The following SH2D4B variants were observed in gnomAD, a reference collection of about 807,000 sequenced individuals.
SH2D4B encodes SH2 domain-containing protein 4B.
SH2D4B carries 45 observed loss-of-function variants against 61.5 expected under a neutral mutation model. That is an observed-to-expected ratio of 0.73 (90% CI 0.58 to 0.94). The LOEUF is 0.94. Among genes scored for constraint, SH2D4B ranks in the 40% least tolerant of loss-of-function variants. The pLI, the probability that SH2D4B is intolerant of heterozygous loss-of-function variation, is 0.00. For synonymous variants in SH2D4B, 224 were observed against 220.4 expected (o/e 1.02, Z -0.14); for missense variants, 572 against 574.2 (o/e 1.00, Z 0.04).
intron 3 of SH2D4B, among the ~76,000 whole-genome samples, chr10:80,578,511 G>A (rs1842151700): frequency 6.6e-6 from 1 of 152,006 alleles, no homozygotes; most frequent in African/African-American, 2.4e-5. Context: ...TTAGAGGTCT[G>A]GGCATGAGCA....
chr10:80,588,574 C>G (rs1393475880), intron 3 of SH2D4B, 56 bp from the exon 4 acceptor site: 2 of 1,593,414 alleles, frequency 1.3e-6, no homozygotes, highest in Non-Finnish European at 1.7e-6. Context: ...ATTTCTTTCT[C>G]GTTTCTCTGA....
At chr10:80,626,229 A>T (rs1842765965) in intron 6 of SH2D4B, among the ~76,000 whole-genome samples, 1 of 151,794 alleles carries the variant, frequency 6.6e-6, no homozygotes, top group African/African-American at 2.4e-5. Flanking sequence ...TTTTCTGAAG[A>T]TTTTTTATTT....
chr10:80,543,561 C>T (rs1423547058), intron 1 of SH2D4B, among the ~76,000 whole-genome samples: 1 of 152,232 alleles, frequency 6.6e-6, no homozygotes, highest in East Asian at 1.9e-4. Flanking sequence ...CTCCACGGCG[C>T]CCAGTCTCAT....
At chr10:80,570,815 C>G (rs953651611) in intron 2 of SH2D4B, among the ~76,000 whole-genome samples, 3 of 152,078 alleles carry the variant, frequency 2.0e-5, no homozygotes, top group Non-Finnish European at 4.4e-5. Context: ...TAAAAATAAT[C>G]TGACAAGCAT....
At chr10:80,633,788 G>A (rs1245446281) in intron 6 of SH2D4B, among the ~76,000 whole-genome samples, 1 of 152,180 alleles carries the variant, frequency 6.6e-6, no homozygotes, top group African/African-American at 2.4e-5. Flanking sequence ...ACAGGTATTT[G>A]GAAGAAGTCT....
In SH2D4B at chr10:80,585,777, C is replaced by T. The variant is rs1038882742; in HGVS notation, c.496-2853C>T. 2.4e-4 allele frequency among the ~76,000 whole-genome samples: 37 copies of T among 152,218 alleles called. 1 individual carries two copies. Among genetic ancestry groups the T allele is most frequent in the Admixed American group, 2.4e-3 (36 of 15,286 alleles). Reference sequence around the variant, plus strand: ...TCTGCCTGGGCTCCCACTTTGGCGGCACTTGAGGAGCCTTTCAGCCCACCG... The same window carrying T: ...TCTGCCTGGGCTCCCACTTTGGCGGTACTTGAGGAGCCTTTCAGCCCACCG... On this transcript the variant is annotated intron_variant, in intron 3 of 7. Transcript: ENST00000646907.
At chr10:80,579,116 G>A (rs1288194494) in intron 3 of SH2D4B, among the ~76,000 whole-genome samples, 1 of 152,090 alleles carries the variant, frequency 6.6e-6, no homozygotes, top group Non-Finnish European at 1.5e-5. Flanking sequence ...TGGAGGAGAG[G>A]TGAGAGCTTG....
chr10:80,607,834 T>C (rs188379958), intron 5 of SH2D4B, among the ~76,000 whole-genome samples: 14 of 152,314 alleles, frequency 9.2e-5, no homozygotes, highest in Non-Finnish European at 1.5e-4. Flanking sequence ...TGTCACTCAG[T>C]TGGAAATGGC....
intron 3 of SH2D4B, 37 bp from the exon 4 acceptor site, chr10:80,588,593 G>T (rs1157901610): frequency 3.7e-6 from 6 of 1,608,126 alleles, no homozygotes; most frequent in East Asian, 4.5e-5. Context: ...GAAGTGTTGT[G>T]GTCATCTCGT....
chr10:80,638,211 C>T (rs1279889005), intron 7 of SH2D4B, among the ~76,000 whole-genome samples: 2 of 152,196 alleles, frequency 1.3e-5, no homozygotes, highest in East Asian at 1.9e-4. Flanking sequence ...AGGATTTTCC[C>T]ATCGATGTTC....
chr10:80,591,684 A>G (rs1842329629), intron 4 of SH2D4B, among the ~76,000 whole-genome samples: 1 of 151,962 alleles, frequency 6.6e-6, no homozygotes, highest in African/African-American at 2.4e-5. Context: ...TAATTTTAGT[A>G]GAGACAGGGT....
At chr10:80,542,575 T>G (rs1358632905) in intron 1 of SH2D4B, among the ~76,000 whole-genome samples, 1 of 151,766 alleles carries the variant, frequency 6.6e-6, no homozygotes, top group African/African-American at 2.4e-5. Context: ...TTTTTGTATT[T>G]AATAGAGACA....
intron 3 of SH2D4B, among the ~76,000 whole-genome samples, chr10:80,581,153 T>C (rs912713004): frequency 6.6e-6 from 1 of 152,176 alleles, no homozygotes; most frequent in Non-Finnish European, 1.5e-5. Flanking sequence ...GCGGTTGCTG[T>C]AGGCCTCTGG....
intron 5 of SH2D4B, among the ~76,000 whole-genome samples, chr10:80,608,386 C>T (rs530082322): frequency 1.3e-5 from 2 of 152,226 alleles, no homozygotes; most frequent in South Asian, 4.1e-4. Context: ...GGATTACAGG[C>T]GTGAGCCACC....
intron 6 of SH2D4B, among the ~76,000 whole-genome samples, chr10:80,622,116 A>C (rs548718593): frequency 2.4e-4 from 36 of 152,288 alleles, no homozygotes; most frequent in African/African-American, 8.7e-4. Context: ...AGTTGAGTTC[A>C]TCAGCCATCC....
At chr10:80,578,594 T>A (rs902184156) in intron 3 of SH2D4B, among the ~76,000 whole-genome samples, 3 of 152,004 alleles carry the variant, frequency 2.0e-5, no homozygotes, top group Admixed American at 2.0e-4. Context: ...AAGTTCATGA[T>A]GGATGGAGCC....
intron 4 of SH2D4B, among the ~76,000 whole-genome samples, chr10:80,598,049 T>C (rs750488239): frequency 1.8e-4 from 28 of 152,186 alleles, no homozygotes; most frequent in Non-Finnish European, 3.8e-4. Flanking sequence ...CATTACAAAG[T>C]TGTCACCCGA....
chr10:80,550,499 C>T (rs1841745015), intron 1 of SH2D4B, among the ~76,000 whole-genome samples: 1 of 152,054 alleles, frequency 6.6e-6, no homozygotes, highest in South Asian at 2.1e-4. Context: ...GAGGCTGAGG[C>T]AGGAGAATGG....
intron 4 of SH2D4B, among the ~76,000 whole-genome samples, chr10:80,598,394 A>G (rs1315813990): frequency 6.6e-6 from 1 of 152,194 alleles, no homozygotes; most frequent in Non-Finnish European, 1.5e-5. Context: ...TCATTAATGT[A>G]CGGTGTGGCA....
Sources: allele counts gnomAD v4.1 joint callset (sites outside exome capture counted in the v4.1 genomes callset), GRCh38; gene constraint gnomAD v4.1.1; transcripts MANE v1.5; gene names NCBI Gene and HGNC (gene_info 2026-07-23, HGNC 2026-07-21).